NFATC3: variants seen among roughly 807,000 people sequenced by gnomAD.
The protein encoded by NFATC3 is nuclear factor of activated T cells 3.
In NFATC3, 46 loss-of-function variants were observed where a neutral mutation model predicts 98.6. That is an observed-to-expected ratio of 0.47 (90% confidence interval 0.37 to 0.60). NFATC3 has a LOEUF of 0.60. Among genes scored for constraint, NFATC3 ranks in the 20% least tolerant of loss-of-function variants. The pLI is 0.00. For synonymous variants in NFATC3, 512 were observed against 472.2 expected (o/e 1.08, Z -1.09); for missense variants, 1,256 against 1,295.5 (o/e 0.97, Z 0.47).
Position 68,192,115 on chromosome 16 carries a change from G to T in NFATC3, c.3106+340G>T, listed in dbSNP as rs190103571. 1,029 of 171,336 alleles carry T rather than the reference G, an allele frequency of 6.0e-3. 17 individuals are homozygous for T. The highest frequency in any genetic ancestry group is 0.023 in the African/African-American group (953 of 40,674). 10.6% of individuals were successfully genotyped at this position (171,336 alleles called of 1,614,324 possible). ...CCCAGCTACTCGGGAGGCTGAGACAGGAGAATCACTTGAACCCGGGAGGTG... is the reference window on the plus strand; with the variant it reads ...CCCAGCTACTCGGGAGGCTGAGACATGAGAATCACTTGAACCCGGGAGGTG... On this transcript the variant is annotated intron_variant, in intron 9 of 9. Transcript: ENST00000346183.
chr16:68,148,913 G>A (rs939832348), intron 3 of NFATC3, among the ~76,000 whole-genome samples: 1 of 152,138 alleles, frequency 6.6e-6, no homozygotes. Context: ...GGAGGCTGAG[G>A]CAGAAGAATT....
intron 6 of NFATC3, among the ~76,000 whole-genome samples, chr16:68,181,102 G>A (rs552103718): frequency 6.6e-6 from 1 of 152,182 alleles, no homozygotes; most frequent in East Asian, 1.9e-4. Context: ...AATGGTTGAA[G>A]TAGTTTACAG....
At position 68,097,921 on chromosome 16, in the gene NFATC3, G is replaced by C. The variant is rs977376609; in HGVS notation, c.103+12137G>C. Among the ~76,000 whole-genome samples, 8 of 152,200 alleles carry C rather than the reference G, an allele frequency of 5.3e-5. No individual in the cohort carries two copies. The East Asian group carries it at 1.5e-3, about 29-fold the overall frequency. ...TTCCAGACAACCGCTGAACTCACTA[G>C]AACATTTATATAAGTGGAATTGTAA... On this transcript the variant is annotated intron_variant, in intron 1 of 9. Transcript: ENST00000346183.
intron 2 of NFATC3, among the ~76,000 whole-genome samples, chr16:68,126,026 G>A (rs1249092549): frequency 6.6e-6 from 1 of 152,034 alleles, no homozygotes; most frequent in Non-Finnish European, 1.5e-5. Context: ...CCTAGTAGCT[G>A]GGATTACAGG....
At chr16:68,097,728 T>G (rs2035091714) in intron 1 of NFATC3, among the ~76,000 whole-genome samples, 1 of 148,794 alleles carries the variant, frequency 6.7e-6, no homozygotes, top group Non-Finnish European at 1.5e-5. Flanking sequence ...TTTATTGAGG[T>G]AAAATTGACA....
At chr16:68,151,013 A>AGT (rs1214703498) in intron 3 of NFATC3, among the ~76,000 whole-genome samples, 1 of 152,098 alleles carries the variant, frequency 6.6e-6, no homozygotes, top group Non-Finnish European at 1.5e-5. Context: ...TAAATTACCC[A>AGT]GTCTCGGGCA....
intron 1 of NFATC3, among the ~76,000 whole-genome samples, chr16:68,093,432 C>G (rs1329947278): frequency 6.6e-6 from 1 of 152,136 alleles, no homozygotes; most frequent in Non-Finnish European, 1.5e-5. Context: ...CCCAGGACTT[C>G]TGACTCCTAG....
At chr16:68,098,549 C>A (rs1010904612) in intron 1 of NFATC3, among the ~76,000 whole-genome samples, 1 of 152,114 alleles carries the variant, frequency 6.6e-6, no homozygotes, top group African/African-American at 2.4e-5. Flanking sequence ...ATCCACCCGC[C>A]TCAGCGTCCC....
At chr16:68,088,127 G>A (rs947769311) in intron 1 of NFATC3, among the ~76,000 whole-genome samples, 2 of 151,904 alleles carry the variant, frequency 1.3e-5, no homozygotes, top group African/African-American at 4.8e-5. Flanking sequence ...AATATATGCA[G>A]TAAAGTGGAA....
At chr16:68,150,654 A>G (rs550962778) in intron 3 of NFATC3, among the ~76,000 whole-genome samples, 4 of 152,312 alleles carry the variant, frequency 2.6e-5, no homozygotes, top group African/African-American at 9.6e-5. Context: ...TACTATTAAG[A>G]GAAAAATAAA....
chr16:68,183,680 A>T (rs994105659), intron 8 of NFATC3, among the ~76,000 whole-genome samples: 6 of 152,174 alleles, frequency 3.9e-5, no homozygotes, highest in African/African-American at 1.4e-4. Context: ...GTTCTGGGTC[A>T]TGAACTCTCC....
intron 3 of NFATC3, among the ~76,000 whole-genome samples, chr16:68,140,272 A>C (rs1391361479): frequency 1.3e-5 from 2 of 152,228 alleles, no homozygotes; most frequent in African/African-American, 4.8e-5. Context: ...GGCATGAGCC[A>C]CTGCGCCTGG....
intron 9 of NFATC3, among the ~76,000 whole-genome samples, chr16:68,206,531 A>G (rs2041151722): frequency 6.6e-6 from 1 of 152,238 alleles, no homozygotes; most frequent in African/African-American, 2.4e-5. Flanking sequence ...TTCACTTAGC[A>G]TAATGTTTTC....
rs2042069980 is a variant in NFATC3, at chr16:68,228,036, A to G, written c.*1565A>G. 1 of 152,216 alleles carries G rather than the reference A, an allele frequency of 6.6e-6. No homozygotes were observed. Among genetic ancestry groups the G allele is most frequent in the African/African-American group, 2.4e-5 (1 of 41,432 alleles). 9.4% of individuals were successfully genotyped at this position (152,216 alleles called of 1,614,324 possible). Reference sequence around the variant, plus strand: ...CTTGATGCCAGGACTCTCTCTACTAAGGCCAGTTCAGGTCTGGGAAAGGGA... The same window carrying G: ...CTTGATGCCAGGACTCTCTCTACTAGGGCCAGTTCAGGTCTGGGAAAGGGA... On this transcript the variant is annotated 3_prime_UTR_variant, in exon 10 of 10. Transcript: ENST00000346183.
intron 3 of NFATC3, among the ~76,000 whole-genome samples, chr16:68,133,206 A>G (rs1190093387): frequency 6.6e-6 from 1 of 152,214 alleles, no homozygotes; most frequent in Non-Finnish European, 1.5e-5. Flanking sequence ...TGGAGGTTGC[A>G]GTGAGCTGAG....
At chr16:68,093,670 C>T (rs1239327320) in intron 1 of NFATC3, among the ~76,000 whole-genome samples, 1 of 152,162 alleles carries the variant, frequency 6.6e-6, no homozygotes, top group Non-Finnish European at 1.5e-5. Context: ...TGCATTATCT[C>T]ATGATAACCT....
chr16:68,177,627 T>C (rs1245890851), intron 6 of NFATC3, among the ~76,000 whole-genome samples: 3 of 152,140 alleles, frequency 2.0e-5, no homozygotes, highest in Admixed American at 6.5e-5. Flanking sequence ...AAAATTTTAA[T>C]GTTTTCATTC....
rs749148944 is a variant in NFATC3 at position 68,138,800 on chromosome 16, G to T, written c.1401+12190G>T. ...TATACTTAAATCTTTGGTGGTTAGT[G>T]TGCCTTCTATGCCACATGCTCCACA... is the stretch of plus-strand genomic sequence containing the variant. On this transcript the variant is annotated intron_variant, in intron 3 of 9. Coordinates refer to ENST00000346183, the MANE Select transcript of NFATC3 (RefSeq NM_173165.3). 4.1e-5 allele frequency: 52 copies of T among 1,255,096 alleles called. 2 individuals carry two copies. In the Admixed American group the frequency reaches 4.2e-4, roughly 10 times the overall value. 77.7% of individuals were successfully genotyped at this position (1,255,096 alleles called of 1,614,324 possible).
intron 5 of NFATC3, among the ~76,000 whole-genome samples, chr16:68,171,938 A>G (rs894041890): frequency 2.2e-4 from 33 of 151,844 alleles, no homozygotes; most frequent in Non-Finnish European, 4.4e-5. Context: ...ACAGGCGTGC[A>G]CCACCACACC....
Sources: gnomAD v4.1 joint callset for allele counts (sites outside exome capture counted in the v4.1 genomes callset) on GRCh38, gnomAD v4.1.1 for gene constraint, MANE v1.5 for transcripts, NCBI Gene and HGNC (gene_info 2026-07-23, HGNC 2026-07-21) for gene names.